The following PSD3 variants were observed in gnomAD, a reference collection of about 807,000 sequenced individuals.
PSD3 encodes PH and SEC7 domain-containing protein 3.
A neutral mutation model predicts 105.5 loss-of-function variants in PSD3; 49 were observed. The observed-to-expected ratio is 0.46, with a 90% CI of 0.37 to 0.59. PSD3 has a LOEUF of 0.59. Among genes scored for constraint, PSD3 ranks in the 20% least tolerant of loss-of-function variants. The probability of loss-of-function intolerance (pLI) is 0.00; values close to 1 mark genes in which losing one functional copy is unlikely to be tolerated. For synonymous variants in PSD3, 557 were observed against 457.8 expected, an observed-to-expected ratio of 1.22 and a Z score of -2.77; for missense variants, 1,561 against 1,263.8, an observed-to-expected ratio of 1.24 and a Z score of -3.57.
At chr8:18,586,700 G>T (rs1028510180) in intron 12 of PSD3, among the ~76,000 whole-genome samples, 5 of 152,094 alleles carry the variant, frequency 3.3e-5, no homozygotes, top group Non-Finnish European at 7.4e-5. Flanking sequence ...ATTTAATCAG[G>T]GAAGCAGTGG....
intron 1 of PSD3, among the ~76,000 whole-genome samples, chr8:19,055,533 G>A (rs1048970294): frequency 2.6e-5 from 4 of 152,204 alleles, no homozygotes; most frequent in African/African-American, 4.8e-5. Flanking sequence ...GATTACAGGC[G>A]TGAGCCACCG....
chr8:18,553,161 A>G (rs555589402), intron 15 of PSD3, among the ~76,000 whole-genome samples: 16 of 152,328 alleles, frequency 1.1e-4, no homozygotes, highest in African/African-American at 3.6e-4. Context: ...TGCCAAAATA[A>G]AAGTATTTTT....
chr8:18,954,162 G>A (rs1823411944), intron 1 of PSD3, among the ~76,000 whole-genome samples: 1 of 151,912 alleles, frequency 6.6e-6, no homozygotes, highest in Non-Finnish European at 1.5e-5. Flanking sequence ...CCATCTTAAG[G>A]ACCATCTGTA....
chr8:18,645,320 C>G (rs1807950887), intron 10 of PSD3, among the ~76,000 whole-genome samples: 1 of 152,128 alleles, frequency 6.6e-6, no homozygotes, highest in Non-Finnish European at 1.5e-5. Context: ...TCATTTTTAG[C>G]TAACAATTTT....
At position 18,997,138 on chromosome 8, in the gene PSD3, G is replaced by C. The variant is rs115600335; in HGVS notation, c.21+16425C>G. ...ATTCGCTCCCTGTGGATTTCATCCA[G>C]TTTGTATATTCTGACAACTCTCAAA... On this transcript the variant is annotated intron_variant, in intron 1 of 15. Coordinates refer to ENST00000327040, the MANE Select transcript of PSD3 (RefSeq NM_015310.4). Among the ~76,000 whole-genome samples the C allele has an allele frequency of 5.3e-3, 812 of 151,902 alleles. 13 individuals are homozygous for C. The highest frequency in any genetic ancestry group is 0.019 in the African/African-American group (774 of 41,374).
intron 7 of PSD3, among the ~76,000 whole-genome samples, chr8:18,800,395 G>T (rs1189003854): frequency 1.3e-5 from 2 of 152,176 alleles, no homozygotes; most frequent in Non-Finnish European, 2.9e-5. Flanking sequence ...ATGGAGGGGA[G>T]GTTGAGGCAA....
chr8:18,911,034 G>A (rs1350068435), intron 2 of PSD3, among the ~76,000 whole-genome samples: 3 of 152,068 alleles, frequency 2.0e-5, no homozygotes, highest in Non-Finnish European at 4.4e-5. Context: ...CATTAGCCCA[G>A]GAGTTCCTGG....
At chr8:19,082,710 G>C (rs1048854762) in intron 1 of PSD3, among the ~76,000 whole-genome samples, 1 of 152,304 alleles carries the variant, frequency 6.6e-6, no homozygotes. Context: ...AGTGGGAAAA[G>C]ATGGGGTTTT....
At chr8:18,684,970 T>C (rs13251640) in intron 9 of PSD3, among the ~76,000 whole-genome samples, 1 of 152,068 alleles carries the variant, frequency 6.6e-6, no homozygotes, top group East Asian at 1.9e-4. Flanking sequence ...CTACTCAGGA[T>C]TGCGATGTCT....
chr8:18,549,618 C>T (rs1411104787), intron 15 of PSD3, among the ~76,000 whole-genome samples: 2 of 152,184 alleles, frequency 1.3e-5, no homozygotes, highest in East Asian at 3.8e-4. Context: ...AATGCTTCTG[C>T]AGGGAGACGA....
intron 9 of PSD3, among the ~76,000 whole-genome samples, chr8:18,749,543 G>A (rs1273430820): frequency 6.6e-6 from 1 of 152,052 alleles, no homozygotes; most frequent in Non-Finnish European, 1.5e-5. Context: ...CACGGCAGAT[G>A]GAACTAAGGT....
intron 2 of PSD3, among the ~76,000 whole-genome samples, chr8:18,900,735 G>T (rs888947151): frequency 6.7e-6 from 1 of 149,704 alleles, no homozygotes; most frequent in African/African-American, 2.5e-5. Context: ...AAACTCCTGG[G>T]CTCAAGACAT....
At chr8:18,888,243 G>T (rs186896132) in intron 2 of PSD3, among the ~76,000 whole-genome samples, 4 of 152,286 alleles carry the variant, frequency 2.6e-5, no homozygotes, top group African/African-American at 9.6e-5. Flanking sequence ...CAGCACCAGG[G>T]TAGTGGAAAT....
intron 9 of PSD3, among the ~76,000 whole-genome samples, chr8:18,682,549 A>T (rs956762619): frequency 1.1e-4 from 17 of 152,152 alleles, no homozygotes; most frequent in African/African-American, 3.6e-4. Context: ...AAAGCTTTTT[A>T]AAAAAACAGT....
At chr8:18,653,135 T>C (rs899762936) in intron 10 of PSD3, among the ~76,000 whole-genome samples, 1 of 152,152 alleles carries the variant, frequency 6.6e-6, no homozygotes, top group African/African-American at 2.4e-5. Flanking sequence ...ATCTGCTTGA[T>C]AGAGCAGTAC....
intron 9 of PSD3, among the ~76,000 whole-genome samples, chr8:18,760,747 C>CG (rs1806452814): frequency 6.6e-6 from 1 of 152,148 alleles, no homozygotes; most frequent in African/African-American, 2.4e-5. Flanking sequence ...TAACACTTCA[C>CG]TAGTTGGTAT....
intron 2 of PSD3, among the ~76,000 whole-genome samples, chr8:18,934,578 T>A (rs777189852): frequency 6.7e-6 from 1 of 149,872 alleles, no homozygotes; most frequent in African/African-American, 2.4e-5. Flanking sequence ...GCCCGGCTAA[T>A]TTTTTTTTTA....
At chr8:18,706,824 TATACC>T (rs777944308) in intron 9 of PSD3, among the ~76,000 whole-genome samples, 37 of 152,300 alleles carry the variant, frequency 2.4e-4, no homozygotes, top group Middle Eastern at 3.4e-3. Flanking sequence ...ACCTTCTGAG[TATACC>T]ATATTATATG....
At chr8:18,610,418 C>G (rs2130640108) in intron 11 of PSD3, among the ~76,000 whole-genome samples, 1 of 152,246 alleles carries the variant, frequency 6.6e-6, no homozygotes, top group East Asian at 1.9e-4. Flanking sequence ...TGTAACCAAC[C>G]CAGTTGTTTC....
Sources: allele counts gnomAD v4.1 joint callset (sites outside exome capture counted in the v4.1 genomes callset), GRCh38; gene constraint gnomAD v4.1.1; transcripts MANE v1.5; gene names NCBI Gene and HGNC (gene_info 2026-07-23, HGNC 2026-07-21).